The following FDFT1 variants were observed in gnomAD, a reference collection of about 807,000 sequenced individuals.
FDFT1 encodes the protein squalene synthase.
In FDFT1, 68 loss-of-function variants were observed where a neutral mutation model predicts 46.8. The observed-to-expected ratio is 1.45, with a 90% CI of 1.19 to 1.78. The LOEUF (loss-of-function observed/expected upper bound fraction) is 1.78, where lower values mean the gene tolerates loss of function less well. Ranked by LOEUF, FDFT1 falls within the 40% of genes most tolerant of loss-of-function variation. The pLI is 0.00. For missense variants in FDFT1, 928 were observed against 524.4 expected (o/e 1.77, Z -7.52); for synonymous variants, 351 against 185.1 (o/e 1.90, Z -7.28).
intron 3 of FDFT1, among the ~76,000 whole-genome samples, chr8:11,816,355 T>C (rs1305125287): frequency 6.6e-6 from 1 of 152,210 alleles, no homozygotes; most frequent in South Asian, 2.1e-4. Context: ...ATGCAGGCTC[T>C]TTTTTGCTTC....
intron 5 of FDFT1, among the ~76,000 whole-genome samples, chr8:11,827,031 A>G (rs554575206): frequency 1.0e-3 from 156 of 152,374 alleles, no homozygotes; most frequent in African/African-American, 3.6e-3. Flanking sequence ...ATCTTTAATT[A>G]AAACATGGAC....
intron 4 of FDFT1, among the ~76,000 whole-genome samples, chr8:11,825,504 C>T (rs1003181452): frequency 6.9e-6 from 1 of 145,526 alleles, no homozygotes; most frequent in Non-Finnish European, 1.5e-5. Context: ...TGTGCCAGTG[C>T]ACTCCAGCCC....
chr8:11,809,844 C>T lies in FDFT1; in HGVS notation c.375C>T (p.Phe125=). 2 of 1,612,126 alleles carry T rather than the reference C, an allele frequency of 1.2e-6. No individual in the cohort carries two copies. The highest frequency in any genetic ancestry group is 1.1e-5 in the South Asian group (1 of 90,906). Residue 125 remains phenylalanine (F), a synonymous_variant, in exon 3 of 8, where the codon TTC becomes TTT. Coordinates refer to ENST00000220584, the MANE Select transcript of FDFT1 (RefSeq NM_004462.5). ...KEKDRQVLED[F]PTISLEFRNL... ...AGGATCGCCAGGTGCTGGAGGACTT[C>T]CCAACGGTGAGTGGGGTTACGCATC...
At chr8:11,813,173 C>T (rs1296444845) in intron 3 of FDFT1, among the ~76,000 whole-genome samples, 1 of 152,150 alleles carries the variant, frequency 6.6e-6, no homozygotes, top group Non-Finnish European at 1.5e-5. Flanking sequence ...AAGGGCCCAC[C>T]ATTGTATTTC....
intron 4 of FDFT1, among the ~76,000 whole-genome samples, chr8:11,822,309 A>C (rs961813770): frequency 1.3e-5 from 2 of 151,184 alleles, no homozygotes; most frequent in African/African-American, 4.9e-5. Context: ...TCAGACATCT[A>C]AAGTGTTGAT....
chr8:11,825,741 C>T (rs781392978), intron 4 of FDFT1, among the ~76,000 whole-genome samples: 1 of 151,328 alleles, frequency 6.6e-6, no homozygotes, highest in Non-Finnish European at 1.5e-5. Flanking sequence ...TTTTCAGTAG[C>T]CTTTTATTAT....
At chr8:11,809,874 C>A in intron 3 of FDFT1, 24 bp downstream of exon 3, 1 of 1,585,748 alleles carries the variant, frequency 6.3e-7, no homozygotes, top group Non-Finnish European at 8.6e-7. Context: ...CGCATCTTGT[C>A]TACGGACTGT....
upstream of FDFT1, chr8:11,802,580 C>A (rs1022512245): frequency 4.8e-6 from 3 of 623,206 alleles, no homozygotes; most frequent in Admixed American, 4.3e-5. Flanking sequence ...ACTGATTGGC[C>A]GGGGTCTTCC....
At chr8:11,836,790 C>CT (rs1183302325) in intron 7 of FDFT1, among the ~76,000 whole-genome samples, 1 of 152,216 alleles carries the variant, frequency 6.6e-6, no homozygotes, top group South Asian at 2.1e-4. Context: ...AATCCCAGCC[C>CT]TTTGGGAGGC....
chr8:11,817,150 C>T (rs1585918886), intron 3 of FDFT1, among the ~76,000 whole-genome samples: 1 of 152,106 alleles, frequency 6.6e-6, no homozygotes, highest in African/African-American at 2.4e-5. Context: ...GTCATAGGTT[C>T]TGTTTATGTG....
At chr8:11,824,417 G>C (rs1809679297) in intron 4 of FDFT1, among the ~76,000 whole-genome samples, 1 of 152,144 alleles carries the variant, frequency 6.6e-6, no homozygotes, top group South Asian at 2.1e-4. Flanking sequence ...AAAAAGAAAA[G>C]GGGAAGTTTT....
intron 3 of FDFT1, among the ~76,000 whole-genome samples, chr8:11,814,292 T>C (rs1382476166): frequency 3.4e-5 from 5 of 148,324 alleles, no homozygotes; most frequent in Admixed American, 2.7e-4. Flanking sequence ...ACCAGATTGA[T>C]TTTATAGGTT....
intron 1 of FDFT1, among the ~76,000 whole-genome samples, chr8:11,797,092 G>A (rs1805630243): frequency 1.3e-5 from 2 of 152,318 alleles, no homozygotes; most frequent in Middle Eastern, 6.8e-3. Context: ...GTAAATCCTG[G>A]GTGTTGCGAT....
At chr8:11,800,963 C>T (rs1314238453), upstream of FDFT1, among the ~76,000 whole-genome samples, 1 of 152,038 alleles carries the variant, frequency 6.6e-6, no homozygotes, top group Non-Finnish European at 1.5e-5. Flanking sequence ...AGGGGAAACA[C>T]TCTGTAATCT....
At chr8:11,830,695 TAAGTC>T (rs886161786) in intron 6 of FDFT1, among the ~76,000 whole-genome samples, 1 of 152,220 alleles carries the variant, frequency 6.6e-6, no homozygotes, top group Non-Finnish European at 1.5e-5. Flanking sequence ...TCCTCACAGT[TAAGTC>T]AAGGTCTTTG....
At chr8:11,808,168 CAG>C in intron 1 of FDFT1, 1 of 772,018 alleles carries the variant, frequency 1.3e-6, no homozygotes, top group Non-Finnish European at 1.6e-6. Flanking sequence ...GATGCAAAGA[CAG>C]ATGCGTTGAG....
intron 3 of FDFT1, among the ~76,000 whole-genome samples, chr8:11,820,035 G>C (rs1364231332): frequency 2.0e-5 from 3 of 151,992 alleles, no homozygotes; most frequent in African/African-American, 7.3e-5. Context: ...TTTTGGTGTG[G>C]GTGTCCTTTT....
intron 4 of FDFT1, among the ~76,000 whole-genome samples, chr8:11,822,734 T>A (rs755996956): frequency 6.6e-6 from 1 of 152,118 alleles, no homozygotes; most frequent in Non-Finnish European, 1.5e-5. Flanking sequence ...GAGGATTGCT[T>A]GAGCCCAAGA....
At chr8:11,821,013 G>A (rs1809165248) in intron 3 of FDFT1, among the ~76,000 whole-genome samples, 1 of 152,184 alleles carries the variant, frequency 6.6e-6, no homozygotes, top group Non-Finnish European at 1.5e-5. Context: ...GCAACTCTGG[G>A]TCTGAGTTTC....
Sources: gnomAD v4.1 joint callset for allele counts (sites outside exome capture counted in the v4.1 genomes callset) on GRCh38, gnomAD v4.1.1 for gene constraint, MANE v1.5 for transcripts, NCBI Gene and HGNC (gene_info 2026-07-23, HGNC 2026-07-21) for gene names.